The following SLC35D4 variants were observed in gnomAD, a reference collection of about 807,000 sequenced individuals.
SLC35D4 encodes solute carrier family 35 member D4.
the SLC35D4 span, among the ~76,000 whole-genome samples, chr18:23,401,695 C>T: frequency 1.3e-5 from 2 of 152,106 alleles, no homozygotes; most frequent in Non-Finnish European, 2.9e-5. Flanking sequence ...GGCCTCACTG[C>T]GGGAGGCCCA....
chr18:23,392,330 GGAA>G, the SLC35D4 span, among the ~76,000 whole-genome samples: 1 of 152,106 alleles, frequency 6.6e-6, no homozygotes, highest in Non-Finnish European at 1.5e-5. Flanking sequence ...CATCCTCTCT[GGAA>G]GAAGGTGAGG....
the SLC35D4 span, among the ~76,000 whole-genome samples, chr18:23,320,578 T>C: frequency 6.6e-6 from 1 of 152,236 alleles, no homozygotes; most frequent in East Asian, 1.9e-4. Context: ...AGAAGAACTG[T>C]AGAAGCTCCA....
the SLC35D4 span, among the ~76,000 whole-genome samples, chr18:23,299,955 C>T: frequency 2.0e-5 from 3 of 152,172 alleles, no homozygotes; most frequent in Admixed American, 6.5e-5. Flanking sequence ...GTAGCTGTTA[C>T]GAATGTCCAT....
the SLC35D4 span, among the ~76,000 whole-genome samples, chr18:23,324,410 T>C: frequency 9.2e-3 from 1,405 of 152,280 alleles, 17 homozygotes; most frequent in African/African-American, 0.032. Flanking sequence ...GTTTAAAAAA[T>C]GAAAGTTTGT....
chr18:23,419,628 T>C, the SLC35D4 span, among the ~76,000 whole-genome samples: 1 of 152,160 alleles, frequency 6.6e-6, no homozygotes, highest in East Asian at 1.9e-4. Context: ...GCTGTTTTAA[T>C]AGAATCATAA....
chr18:23,281,790 T>C, the SLC35D4 span, among the ~76,000 whole-genome samples: 1 of 152,220 alleles, frequency 6.6e-6, no homozygotes, highest in African/African-American at 2.4e-5. Context: ...CTCAGTGCAA[T>C]GGGCCTGCAG....
chr18:23,386,737 A>C, the SLC35D4 span, among the ~76,000 whole-genome samples: 2 of 151,924 alleles, frequency 1.3e-5, no homozygotes, highest in African/African-American at 4.8e-5. Flanking sequence ...AAAAAAAAAA[A>C]AAAAGGAGAA....
At chr18:23,304,224 C>T in the SLC35D4 span, among the ~76,000 whole-genome samples, 1 of 148,688 alleles carries the variant, frequency 6.7e-6, no homozygotes, top group Admixed American at 6.7e-5. Flanking sequence ...TTGCAGTGAG[C>T]CGAGATTGCG....
the SLC35D4 span, among the ~76,000 whole-genome samples, chr18:23,347,623 C>T: frequency 1.3e-5 from 2 of 152,146 alleles, no homozygotes; most frequent in Non-Finnish European, 1.5e-5. Flanking sequence ...TGGTGTATCA[C>T]TACGTTACCC....
At chr18:23,363,433 G>A in the SLC35D4 span, among the ~76,000 whole-genome samples, 3 of 122,734 alleles carry the variant, frequency 2.4e-5, no homozygotes, top group Non-Finnish European at 4.8e-5. Context: ...GGAGTGCAGT[G>A]AGGCGATCTC....
At chr18:23,423,460 G>C in the SLC35D4 span, among the ~76,000 whole-genome samples, 2,182 of 152,320 alleles carry the variant, frequency 0.014, 26 homozygotes, top group Non-Finnish European at 0.019. Context: ...CGGAAGGTAT[G>C]CCACTGGAAT....
chr18:23,421,296 T>C, the SLC35D4 span: 1 of 1,266,674 alleles, frequency 7.9e-7, no homozygotes, highest in Non-Finnish European at 1.1e-6. Flanking sequence ...TGTAACACCA[T>C]ATGAAATTAT....
the SLC35D4 span, among the ~76,000 whole-genome samples, chr18:23,346,262 T>C: frequency 6.6e-6 from 1 of 152,172 alleles, no homozygotes; most frequent in Non-Finnish European, 1.5e-5. Context: ...GCCTCTTGAG[T>C]AGCTGGGACC....
the SLC35D4 span, among the ~76,000 whole-genome samples, chr18:23,347,736 A>G: frequency 6.6e-6 from 1 of 151,906 alleles, no homozygotes; most frequent in Admixed American, 6.5e-5. Flanking sequence ...CTTTTCTCTT[A>G]TTTTCTTGGT....
the SLC35D4 span, among the ~76,000 whole-genome samples, chr18:23,364,301 T>C: frequency 3.9e-5 from 6 of 152,146 alleles, no homozygotes; most frequent in Non-Finnish European, 8.8e-5. Flanking sequence ...AACATTCATT[T>C]TGTGGTTTGT....
the SLC35D4 span, among the ~76,000 whole-genome samples, chr18:23,407,393 A>C: frequency 1.3e-5 from 2 of 152,210 alleles, no homozygotes; most frequent in Non-Finnish European, 2.9e-5. Flanking sequence ...ACAGCTAAAA[A>C]CACCATAAAG....
At chr18:23,287,264 C>A in the SLC35D4 span, among the ~76,000 whole-genome samples, 1 of 152,124 alleles carries the variant, frequency 6.6e-6, no homozygotes, top group African/African-American at 2.4e-5. Flanking sequence ...ATCCTCAATA[C>A]CTCCCTCCAC....
chr18:23,411,293 GA>G, the SLC35D4 span, among the ~76,000 whole-genome samples: 359 of 143,352 alleles, frequency 2.5e-3, 2 homozygotes, highest in Non-Finnish European at 4.6e-3. Context: ...GAAGGGAGGG[GA>G]AAGGGAAGAG....
At chr18:23,326,477 G>A in the SLC35D4 span, among the ~76,000 whole-genome samples, 1 of 152,088 alleles carries the variant, frequency 6.6e-6, no homozygotes, top group East Asian at 1.9e-4. Flanking sequence ...AATGGTAAAG[G>A]GATCAATTCA....
Sources: gnomAD v4.1 joint callset for allele counts (sites outside exome capture counted in the v4.1 genomes callset) on GRCh38, gnomAD v4.1.1 for gene constraint, MANE v1.5 for transcripts, NCBI Gene and HGNC (gene_info 2026-07-23, HGNC 2026-07-21) for gene names.